The following CELF2 variants were observed in gnomAD, a reference collection of about 807,000 sequenced individuals.
The protein encoded by CELF2 is CUGBP Elav-like family member 2, also known as CUG triplet repeat RNA-binding protein 2.
CELF2 carries 8 observed loss-of-function variants against 62.6 expected under a neutral mutation model. That is an observed-to-expected ratio of 0.13 (90% CI 0.07 to 0.23). The LOEUF is 0.23. Among genes scored for constraint, CELF2 ranks in the 10% least tolerant of loss-of-function variants. The pLI is 1.00. For missense variants in CELF2, 333 were observed against 671.0 expected (o/e 0.50, Z 5.56); for synonymous variants, 258 against 250.0 (o/e 1.03, Z -0.30).
At chr10:11,113,489 A>G (rs1438837994) in intron 1 of CELF2, among the ~76,000 whole-genome samples, 2 of 152,190 alleles carry the variant, frequency 1.3e-5, no homozygotes, top group South Asian at 2.1e-4. Context: ...ATAAAATATG[A>G]TGGACTTTTC....
At chr10:10,688,897 G>A in the CELF2 span, among the ~76,000 whole-genome samples, 5 of 151,874 alleles carry the variant, frequency 3.3e-5, no homozygotes, top group South Asian at 2.1e-4. Context: ...CCAGCTACTC[G>A]GGAGGCTAAG....
the CELF2 span, among the ~76,000 whole-genome samples, chr10:10,611,023 C>T: frequency 6.6e-6 from 1 of 152,224 alleles, no homozygotes; most frequent in Non-Finnish European, 1.5e-5. Flanking sequence ...TGAGTTTGGA[C>T]GAGGTGCTCT....
intron 1 of CELF2, among the ~76,000 whole-genome samples, chr10:11,155,172 G>A (rs73575688): frequency 0.16 from 24,081 of 152,172 alleles, 2,167 homozygotes; most frequent in African/African-American, 0.25. Flanking sequence ...CTTACAACAA[G>A]TTATATATTT....
At chr10:10,841,132 A>G (rs1467717858) in intron 1 of CELF2, among the ~76,000 whole-genome samples, 2 of 152,166 alleles carry the variant, frequency 1.3e-5, no homozygotes, top group Non-Finnish European at 2.9e-5. Flanking sequence ...GCTACTGTAA[A>G]TAGTGCTGCA....
chr10:11,123,215 G>T (rs2058091336), intron 1 of CELF2, among the ~76,000 whole-genome samples: 1 of 152,012 alleles, frequency 6.6e-6, no homozygotes, highest in Admixed American at 6.6e-5. Flanking sequence ...CTGTTTGGAG[G>T]TCCCAATTCT....
rs902399477 is a variant in CELF2, at chr10:11,300,285, G to A, written c.976+11733G>A. ...ACCGTACAATAAAGCCTCAGCAGTC[G>A]TTCTGAGTCCAGACCCGGCCCTCTA... On this transcript the variant is annotated intron_variant, in intron 9 of 12. Transcript: ENST00000633077. The surrounding 1 kb of genome is among the most constrained non-coding windows in gnomAD (Gnocchi z 5.5). 7.2e-5 allele frequency among the ~76,000 whole-genome samples: 11 copies of A among 152,190 alleles called. No homozygotes were observed. The highest frequency in any genetic ancestry group is 2.2e-4 in the African/African-American group (9 of 41,436).
the CELF2 span, among the ~76,000 whole-genome samples, chr10:10,520,657 A>G: frequency 6.6e-6 from 1 of 152,194 alleles, no homozygotes; most frequent in Non-Finnish European, 1.5e-5. Flanking sequence ...CCAAAGCACA[A>G]TATGAGATGC....
In CELF2 at chr10:11,039,757, A is replaced by G. The variant is rs542180332; in HGVS notation, c.74+21594A>G. Among the ~76,000 whole-genome samples, 2 of 152,188 alleles carry G rather than the reference A, an allele frequency of 1.3e-5. No individual in the cohort carries two copies. Among genetic ancestry groups the G allele is most frequent in the East Asian group, 1.9e-4 (1 of 5,202 alleles). Reference sequence around the variant, plus strand: ...TTCATTTAGGAAAAAAGATAATTATATATCTATTACGTCTTACATTTTTGT... The same window carrying G: ...TTCATTTAGGAAAAAAGATAATTATGTATCTATTACGTCTTACATTTTTGT... On this transcript the variant is annotated intron_variant, in intron 1 of 12. Coordinates refer to ENST00000633077, the MANE Select transcript of CELF2 (RefSeq NM_001326342.2). The surrounding 1 kb of genome is among the most constrained non-coding windows in gnomAD (Gnocchi z 4.1).
At chr10:10,621,243 CAAAAAAAAAA>C in the CELF2 span, among the ~76,000 whole-genome samples, 1 of 45,348 alleles carries the variant, frequency 2.2e-5, no homozygotes, top group Non-Finnish European at 4.9e-5. Context: ...GACTCTGACT[CAAAAAAAAAA>C]AAAAAAAAAA....
intron 1 of CELF2, among the ~76,000 whole-genome samples, chr10:11,070,701 C>T (rs2069656700): frequency 6.6e-6 from 1 of 151,950 alleles, no homozygotes; most frequent in Non-Finnish European, 1.5e-5. Context: ...CCTGAAGAGA[C>T]GATGAGCTTG....
At chr10:10,781,699 C>A in the CELF2 span, among the ~76,000 whole-genome samples, 1 of 152,168 alleles carries the variant, frequency 6.6e-6, no homozygotes, top group African/African-American at 2.4e-5. Flanking sequence ...CAAATCACAT[C>A]AGTAGCCTAG....
chr10:10,481,925 A>G, the CELF2 span, among the ~76,000 whole-genome samples: 2 of 152,196 alleles, frequency 1.3e-5, no homozygotes, highest in Non-Finnish European at 1.5e-5. Context: ...AGAAGGTCCA[A>G]TTTAGGCAAA....
At chr10:10,945,224 G>A (rs1462244862) in intron 2 of CELF2, among the ~76,000 whole-genome samples, 1 of 152,206 alleles carries the variant, frequency 6.6e-6, no homozygotes, top group East Asian at 1.9e-4. Flanking sequence ...GGGGGACAAG[G>A]TTGTTTGGTG....
intron 2 of CELF2, chr10:10,970,723 C>A (rs754503178): frequency 6.6e-6 from 1 of 152,188 alleles, no homozygotes; most frequent in East Asian, 1.9e-4. Flanking sequence ...CCTCTTCATT[C>A]CAAATTAGCA....
At chr10:11,109,640 T>G (rs576358045) in intron 1 of CELF2, among the ~76,000 whole-genome samples, 7 of 152,334 alleles carry the variant, frequency 4.6e-5, no homozygotes, top group South Asian at 2.1e-4. Flanking sequence ...CTGGGCTGCT[T>G]CTTTCCTTTC....
chr10:11,163,262 T>C (rs1261319407), intron 1 of CELF2, among the ~76,000 whole-genome samples: 1 of 152,216 alleles, frequency 6.6e-6, no homozygotes, highest in Non-Finnish European at 1.5e-5. Context: ...GGCAGCCCCA[T>C]TTTTTGAACT....
At chr10:11,020,495 A>G (rs2058135567) in intron 1 of CELF2, among the ~76,000 whole-genome samples, 1 of 152,150 alleles carries the variant, frequency 6.6e-6, no homozygotes, top group South Asian at 2.1e-4. Context: ...TTATTGCCAT[A>G]TTCACCCAGT....
chr10:10,615,780 G>T, the CELF2 span, among the ~76,000 whole-genome samples: 5 of 151,992 alleles, frequency 3.3e-5, no homozygotes, highest in African/African-American at 1.2e-4. Context: ...GTTTCCTGAG[G>T]CCTCCCCAGA....
At chr10:11,143,747 C>T (rs1056769262) in intron 1 of CELF2, among the ~76,000 whole-genome samples, 8 of 152,334 alleles carry the variant, frequency 5.3e-5, no homozygotes, top group Non-Finnish European at 1.0e-4. Flanking sequence ...TTAACCTTTT[C>T]AGTGTTCTGC....
Sources: allele counts gnomAD v4.1 joint callset (sites outside exome capture counted in the v4.1 genomes callset), GRCh38; gene constraint gnomAD v4.1.1; non-coding constraint Gnocchi (gnomAD v3.1); transcripts MANE v1.5; gene names NCBI Gene and HGNC (gene_info 2026-07-23, HGNC 2026-07-21).